The following PPM1L variants were observed in gnomAD, a reference collection of about 807,000 sequenced individuals.
The protein encoded by PPM1L is protein phosphatase, Mg2+/Mn2+ dependent 1L.
In PPM1L, 13 loss-of-function variants were observed where a neutral mutation model predicts 31.4. The observed-to-expected ratio is 0.41, with a 90% confidence interval of 0.27 to 0.66. The LOEUF (loss-of-function observed/expected upper bound fraction) is 0.66, where lower values mean the gene tolerates loss of function less well. Ranked by LOEUF, PPM1L falls within the 30% of genes least tolerant of loss-of-function variation. The probability of loss-of-function intolerance (pLI) is 0.29; values close to 1 mark genes in which losing one functional copy is unlikely to be tolerated. For synonymous variants in PPM1L, 184 were observed against 175.4 expected, an observed-to-expected ratio of 1.05 and a Z score of -0.39; for missense variants, 326 against 453.7, an observed-to-expected ratio of 0.72 and a Z score of 2.56.
At chr3:161,032,785 C>A (rs6792130) in intron 2 of PPM1L, among the ~76,000 whole-genome samples, 2 of 151,476 alleles carry the variant, frequency 1.3e-5, no homozygotes, top group African/African-American at 4.9e-5. Context: ...CTCCGCCTCC[C>A]GGGTTCAAGT....
At chr3:160,798,932 CA>C (rs1190150636) in intron 1 of PPM1L, among the ~76,000 whole-genome samples, 9 of 152,186 alleles carry the variant, frequency 5.9e-5, no homozygotes, top group Admixed American at 2.6e-4. Context: ...TCAACATTAA[CA>C]GGAGTTTGGA....
intron 1 of PPM1L, among the ~76,000 whole-genome samples, chr3:160,814,681 G>GT (rs1432923926): frequency 1.4e-5 from 2 of 145,520 alleles, no homozygotes; most frequent in African/African-American, 5.2e-5. Context: ...CCATATATAT[G>GT]GTATATACCA....
intron 2 of PPM1L, among the ~76,000 whole-genome samples, chr3:161,063,137 G>A (rs548329667): frequency 3.3e-5 from 5 of 152,080 alleles, no homozygotes; most frequent in African/African-American, 2.4e-5. Flanking sequence ...CTATGATTGT[G>A]TAGGATAATT....
In PPM1L at chr3:161,068,852, A is replaced by G. The variant is rs749248775; in HGVS notation, c.778A>G (p.Ile260Val). 1 of 1,614,018 alleles carries G rather than the reference A, an allele frequency of 6.2e-7. No individual in the cohort carries two copies. The highest frequency in any genetic ancestry group is 2.2e-5 in the East Asian group (1 of 44,870). The change falls in exon 4 of 4, where the codon ATC becomes GTC. Residue 260 changes from isoleucine to valine, a missense_variant. By Grantham distance (29) the Ile-to-Val change is conservative. This residue lies in a region of PPM1L where 201 missense variants were observed against 298.2 expected (regional missense o/e 0.67). Transcript: ENST00000498165. The stretch of plus-strand genomic sequence containing the variant: ...CAATGGCTCCTGGAGGGTCCAGGGA[A>G]TCCTGGCCATGTCTCGGTCCCTGGG... The part of the protein sequence containing the change: ...SFNGSWRVQG[I>V]LAMSRSLGDY...
chr3:160,965,019 A>C (rs1716092297), intron 2 of PPM1L, among the ~76,000 whole-genome samples: 1 of 152,002 alleles, frequency 6.6e-6, no homozygotes, highest in Admixed American at 6.6e-5. Context: ...TGGGAGGCCG[A>C]GGTGGGCGGA....
At chr3:160,818,673 CCTT>C (rs1376216127) in intron 1 of PPM1L, among the ~76,000 whole-genome samples, 1 of 151,822 alleles carries the variant, frequency 6.6e-6, no homozygotes, top group East Asian at 1.9e-4. Flanking sequence ...AGACTACTTT[CCTT>C]CTATTGTCAT....
intron 1 of PPM1L, among the ~76,000 whole-genome samples, chr3:160,852,734 T>C (rs952031910): frequency 6.6e-6 from 1 of 152,234 alleles, no homozygotes; most frequent in Non-Finnish European, 1.5e-5. Context: ...TTTCCAATTG[T>C]ATTCTGTGGA....
At chr3:161,057,934 T>C (rs1004390717) in intron 2 of PPM1L, among the ~76,000 whole-genome samples, 1 of 151,812 alleles carries the variant, frequency 6.6e-6, no homozygotes, top group East Asian at 1.9e-4. Flanking sequence ...ATTTTTCTTA[T>C]ACCTTACCTG....
intron 1 of PPM1L, among the ~76,000 whole-genome samples, chr3:160,906,280 A>G (rs1378732549): frequency 6.6e-6 from 1 of 152,188 alleles, no homozygotes; most frequent in East Asian, 1.9e-4. Flanking sequence ...TTAAAACAGC[A>G]AATATTTGTA....
At chr3:160,981,583 C>T (rs910965800) in intron 2 of PPM1L, among the ~76,000 whole-genome samples, 8 of 151,994 alleles carry the variant, frequency 5.3e-5, no homozygotes, top group Non-Finnish European at 1.0e-4. Flanking sequence ...TGGTAGTATT[C>T]ATACTAAGCA....
chr3:161,069,160 C>G lies in PPM1L; in HGVS notation c.*3C>G, dbSNP rs144340577. Reference sequence around the variant, plus strand: ...GCAGCAAAACAGAAGAGCAGTGAACCCTTCAGGGGTCTCAGCTGCCTTAGA... The same window carrying G: ...GCAGCAAAACAGAAGAGCAGTGAACGCTTCAGGGGTCTCAGCTGCCTTAGA... On this transcript the variant is annotated 3_prime_UTR_variant, in exon 4 of 4. Coordinates refer to ENST00000498165, the MANE Select transcript of PPM1L (RefSeq NM_139245.4). The G allele has an allele frequency of 6.2e-7, 1 of 1,604,706 alleles. No individual in the cohort carries two copies. The highest frequency in any genetic ancestry group is 2.2e-5 in the East Asian group (1 of 44,778).
chr3:160,957,578 T>TTC (rs1715816490), intron 1 of PPM1L, among the ~76,000 whole-genome samples: 2 of 52,776 alleles, frequency 3.8e-5, no homozygotes, highest in Non-Finnish European at 1.4e-4. Flanking sequence ...ATTATTTGAC[T>TTC]TTTTTTTTTT....
intron 2 of PPM1L, among the ~76,000 whole-genome samples, chr3:160,998,687 T>A (rs1232805359): frequency 1.3e-5 from 2 of 152,150 alleles, no homozygotes; most frequent in Non-Finnish European, 2.9e-5. Context: ...TTAGAAAGAC[T>A]GTTAAAAGTC....
chr3:160,782,242 A>G (rs1328126832), intron 1 of PPM1L, among the ~76,000 whole-genome samples: 1 of 151,970 alleles, frequency 6.6e-6, no homozygotes, highest in Non-Finnish European at 1.5e-5. Context: ...GAGTGTCATG[A>G]CAGTTGTTTG....
chr3:160,964,643 A>G (rs1716074755), intron 2 of PPM1L, among the ~76,000 whole-genome samples: 1 of 152,020 alleles, frequency 6.6e-6, no homozygotes, highest in African/African-American at 2.4e-5. Context: ...GGGAAGGCAG[A>G]GGGGAAGTTT....
intron 2 of PPM1L, among the ~76,000 whole-genome samples, chr3:161,046,291 TCAGAGAA>T (rs1719066737): frequency 6.6e-6 from 1 of 151,670 alleles, no homozygotes. Context: ...CAAACTACCA[TCAGAGAA>T]TACTATAAAC....
chr3:160,916,890 A>G lies in PPM1L; in HGVS notation c.400-44846A>G, dbSNP rs1413725803. Among the ~76,000 whole-genome samples the G allele has an allele frequency of 5.3e-5, 8 of 152,214 alleles. No homozygotes were observed. The East Asian group carries it at 1.5e-3, about 29-fold the overall frequency. ...ACCTGATCACCACCAATTTAAAAGTAACTTAGAAACAAAACATCAAACTCT... is the reference window on the plus strand; with the variant it reads ...ACCTGATCACCACCAATTTAAAAGTGACTTAGAAACAAAACATCAAACTCT... On this transcript the variant is annotated intron_variant, in intron 1 of 3. Coordinates refer to ENST00000498165, the MANE Select transcript of PPM1L (RefSeq NM_139245.4).
At chr3:160,790,104 T>C (rs967391431) in intron 1 of PPM1L, among the ~76,000 whole-genome samples, 14 of 152,202 alleles carry the variant, frequency 9.2e-5, no homozygotes, top group Admixed American at 5.2e-4. Flanking sequence ...CCATTTTTTT[T>C]CCCCAAATAT....
intron 2 of PPM1L, among the ~76,000 whole-genome samples, chr3:161,043,290 TC>T (rs369269733): frequency 1.6e-3 from 245 of 152,254 alleles, no homozygotes; most frequent in African/African-American, 5.7e-3. Context: ...AAAAGATGCC[TC>T]CTGCCATCCA....
Sources: gnomAD v4.1 joint callset for allele counts (sites outside exome capture counted in the v4.1 genomes callset) on GRCh38, gnomAD v4.1.1 for gene constraint, gnomAD v4.1.1 regional missense constraint, MANE v1.5 for transcripts, NCBI Gene and HGNC (gene_info 2026-07-23, HGNC 2026-07-21) for gene names.